The following AKAP12 variants were observed in gnomAD, a reference collection of about 807,000 sequenced individuals.
AKAP12 encodes A-kinase anchoring protein 12.
A neutral mutation model predicts 79.9 loss-of-function variants in AKAP12; 32 were observed. That is an observed-to-expected ratio of 0.40 (90% CI 0.30 to 0.54). The LOEUF (loss-of-function observed/expected upper bound fraction) is 0.54, where lower values mean the gene tolerates loss of function less well. AKAP12 is among the 20% of genes least tolerant of loss of function. The pLI is 0.48. For synonymous variants in AKAP12, 808 were observed against 857.0 expected, an observed-to-expected ratio of 0.94 and a Z score of 1.00; for missense variants, 2,074 against 2,177.0, an observed-to-expected ratio of 0.95 and a Z score of 0.94.
intron 3 of AKAP12, chr6:151,324,092 T>A (rs1777464152): frequency 1.0e-6 from 1 of 985,256 alleles, no homozygotes; most frequent in Non-Finnish European, 1.2e-6. Context: ...AGAAGGATGG[T>A]CAGTACCAGC....
At position 151,351,298 on chromosome 6, in the gene AKAP12, G is replaced by T. The variant is rs761029034; in HGVS notation, c.2907G>T (p.Ala969=). The change falls in exon 4 of 5, where the codon GCG becomes GCT. Residue 969 remains alanine (A), a synonymous_variant. Transcript: ENST00000402676. The surrounding 1 kb of genome is among the most constrained non-coding windows in gnomAD (Gnocchi z 4.4). ...GGGGCGACACGGTCGTTAGTGAGGC[G>T]GAATTGACCCCCGAAGCTGTGACAG... ...EARGDTVVSE[A]ELTPEAVTAA... The T allele has an allele frequency of 7.4e-6, 12 of 1,614,076 alleles. No individual in the cohort carries two copies. Among genetic ancestry groups the T allele is most frequent in the Middle Eastern group, 1.6e-4 (1 of 6,084 alleles).
intron 3 of AKAP12, among the ~76,000 whole-genome samples, chr6:151,331,879 C>T (rs1419270901): frequency 9.0e-5 from 10 of 111,726 alleles, no homozygotes; most frequent in African/African-American, 1.9e-4. Flanking sequence ...AGCGAGACTC[C>T]GTCTCAAAAA....
Position 151,350,682 on chromosome 6 carries a change from G to A in AKAP12, c.2291G>A (p.Arg764Lys), listed in dbSNP as rs757059122. The change falls in exon 4 of 5, where the codon AGG (arginine) becomes AAG (lysine). Residue 764 changes from arginine (R) to lysine (K), a missense_variant. Physicochemically the swap from Arg to Lys is conservative, Grantham distance 26. This residue lies in a region of AKAP12 where 1,428 missense variants were observed against 1,451.0 expected (regional missense o/e 0.98). Transcript: ENST00000402676. The surrounding 1 kb of genome is among the most constrained non-coding windows in gnomAD (Gnocchi z 4.8). ...EGVSTWESFK[R>K]LVTPRKKSKS... The stretch of plus-strand genomic sequence containing the variant: ...GTTTCCACCTGGGAGTCATTTAAAA[G>A]GTTAGTCACGCCAAGAAAAAAATCA... 3 of 1,613,806 alleles carry A rather than the reference G, an allele frequency of 1.9e-6. No homozygotes were observed. Among genetic ancestry groups the A allele is most frequent in the Non-Finnish European group, 2.5e-6 (3 of 1,179,956 alleles).
intron 2 of AKAP12, among the ~76,000 whole-genome samples, chr6:151,286,513 C>G (rs1007461467): frequency 6.6e-6 from 1 of 152,176 alleles, no homozygotes; most frequent in Non-Finnish European, 1.5e-5. Context: ...AAACAGAAAA[C>G]AAAACAAAGA....
chr6:151,256,895 TGCCTCG>T (rs1438308380), intron 2 of AKAP12, among the ~76,000 whole-genome samples: 1 of 150,860 alleles, frequency 6.6e-6, no homozygotes, highest in East Asian at 1.9e-4. Flanking sequence ...GTGATCTGCC[TGCCTCG>T]GCCTCCCAAC....
chr6:151,348,605 C>A, intron 3 of AKAP12, 106 bp from the exon 4 acceptor site: 1 of 850,522 alleles, frequency 1.2e-6, no homozygotes, highest in Non-Finnish European at 1.8e-6. Context: ...CACCACTGCC[C>A]TCCAGCCGGG....
rs761472870 is a variant in AKAP12 at position 151,353,714 on chromosome 6, G to A, written c.5323G>A (p.Ala1775Thr). Residue 1775 changes from alanine (A) to threonine (T), a missense_variant, in exon 4 of 5, where the codon GCA (alanine) becomes ACA (threonine). This residue lies in a region of AKAP12 where 614 missense variants were observed against 665.6 expected (regional missense o/e 0.92). Transcript: ENST00000402676. ...GTTACAGAAACAAGAGAGAGAATCT[G>A]CAAAGTCAGAACTTACAGAATCTTA... ...EELQKQERES[A>T]KSELTES 1.3e-6 allele frequency: 2 copies of A among 1,599,124 alleles called. No homozygotes were observed. Among genetic ancestry groups the A allele is most frequent in the Admixed American group, 1.8e-5 (1 of 56,198 alleles).
rs1056530751 is a variant in AKAP12, at chr6:151,353,419, A to G, written c.5028A>G (p.Pro1676=). The G allele has an allele frequency of 1.2e-6, 2 of 1,614,244 alleles. No homozygotes were observed. Among genetic ancestry groups the G allele is most frequent in the South Asian group, 2.2e-5 (2 of 91,084 alleles). The change falls in exon 4 of 5, where the codon CCA becomes CCG. Residue 1676 remains proline, a synonymous_variant. Coordinates refer to ENST00000402676, the MANE Select transcript of AKAP12 (RefSeq NM_005100.4). ...EGGGAGTKSV[P]EDDGHALLAE... is the part of the protein sequence containing the mutation. ...GTGGAGCTGGAACAAAGTCTGTGCC[A>G]GAAGATGATGGTCATGCCTTGTTAG...
intron 3 of AKAP12, among the ~76,000 whole-genome samples, chr6:151,347,987 C>T (rs575670533): frequency 3.3e-5 from 5 of 150,872 alleles, no homozygotes; most frequent in East Asian, 2.0e-4. Flanking sequence ...CTGGCTAACA[C>T]GGTGAAACCC....
At chr6:151,331,917 A>ACT (rs1371647377) in intron 3 of AKAP12, among the ~76,000 whole-genome samples, 4 of 150,290 alleles carry the variant, frequency 2.7e-5, no homozygotes, top group Admixed American at 2.7e-4. Flanking sequence ...GTTTTGGAGT[A>ACT]CTAGTAGCAC....
At chr6:151,319,181 A>G (rs1467512834) in intron 3 of AKAP12, among the ~76,000 whole-genome samples, 1 of 152,192 alleles carries the variant, frequency 6.6e-6, no homozygotes, top group African/African-American at 2.4e-5. Flanking sequence ...TTGTATCATA[A>G]CAATTCCTTT....
At position 151,350,122 on chromosome 6, in the gene AKAP12, G is replaced by A. The variant is rs774212676; in HGVS notation, c.1731G>A (p.Thr577=). The change falls in exon 4 of 5, where the codon ACG becomes ACA. Residue 577 remains threonine (T), a synonymous_variant. Coordinates refer to ENST00000402676, the MANE Select transcript of AKAP12 (RefSeq NM_005100.4). This position sits in a 1 kb window ranked among gnomAD's most constrained non-coding sequence, Gnocchi z 4.8. ...ASSPEEPEEI[T]CLEKGLAEVQ... ...CCCCTGAGGAGCCCGAGGAGATCAC[G>A]TGTCTGGAAAAGGGCTTAGCCGAGG... 8.1e-6 allele frequency: 13 copies of A among 1,614,072 alleles called. No individual in the cohort carries two copies. The highest frequency in any genetic ancestry group is 1.6e-4 in the Middle Eastern group (1 of 6,062).
Position 151,350,300 on chromosome 6 carries a change from A to G in AKAP12, c.1909A>G (p.Lys637Glu), listed in dbSNP as rs374551030. The G allele has an allele frequency of 2.5e-6, 4 of 1,613,932 alleles. No individual in the cohort carries two copies. The African/African-American group carries it at 4.0e-5, about 16-fold the overall frequency. The change falls in exon 4 of 5, where the codon AAG becomes GAG. Residue 637 changes from lysine to glutamate, a missense_variant. This residue lies in a region of AKAP12 where 1,428 missense variants were observed against 1,451.0 expected (regional missense o/e 0.98). Coordinates refer to ENST00000402676, the MANE Select transcript of AKAP12 (RefSeq NM_005100.4). The surrounding 1 kb of genome is among the most constrained non-coding windows in gnomAD (Gnocchi z 4.8). ...SESDKEDELD[K>E]VKSATLSSTE... is the part of the protein sequence containing the mutation. Reference sequence around the variant, plus strand: ...AAGTGATAAAGAAGATGAGCTGGACAAGGTCAAGAGCGCTACCTTGTCTTC... The same window carrying G: ...AAGTGATAAAGAAGATGAGCTGGACGAGGTCAAGAGCGCTACCTTGTCTTC...
intron 3 of AKAP12, chr6:151,324,560 C>T: frequency 1.0e-6 from 1 of 985,406 alleles, no homozygotes; most frequent in East Asian, 1.1e-4. Context: ...TCCCTCCTCC[C>T]TGCCCCAAGC....
chr6:151,352,607 G>A lies in AKAP12; in HGVS notation c.4216G>A (p.Val1406Ile). ...TCCCTGCCTAGGTCAAGAGGAGGCA[G>A]TATGCACCAAAATTCAAGTTCAGAG... Reference protein sequence around the residue: ...PPPCLGQEEAVCTKIQVQSSE... With the variant: ...PPPCLGQEEAICTKIQVQSSE... The change falls in exon 4 of 5, where the codon GTA (valine) becomes ATA (isoleucine). Residue 1406 changes from valine to isoleucine, a missense_variant. Transcript: ENST00000402676. 2.5e-6 allele frequency: 4 copies of A among 1,614,200 alleles called. No homozygotes were observed. The highest frequency in any genetic ancestry group is 3.4e-6 in the Non-Finnish European group (4 of 1,180,044).
At chr6:151,272,155 C>T (rs913084149) in intron 2 of AKAP12, among the ~76,000 whole-genome samples, 5 of 151,994 alleles carry the variant, frequency 3.3e-5, no homozygotes, top group East Asian at 1.9e-4. Flanking sequence ...GCCTGGGCAA[C>T]GTAATGAGAC....
rs905330566 is a variant in AKAP12, at chr6:151,303,576, G to A, written c.163-2171G>A. Among the ~76,000 whole-genome samples, 6 of 152,310 alleles carry A rather than the reference G, an allele frequency of 3.9e-5. No homozygotes were observed. In the East Asian group the frequency reaches 7.7e-4, roughly 20 times the overall value. On this transcript the variant is annotated intron_variant, in intron 2 of 4. Coordinates refer to ENST00000402676, the MANE Select transcript of AKAP12 (RefSeq NM_005100.4). ...GTCTTGAACCCACTGTCCCTTCAGC[G>A]TTCAGGGTCTAAGTCAGTGGTGAGT...
chr6:151,320,566 G>A (rs530858384), intron 3 of AKAP12, among the ~76,000 whole-genome samples: 2 of 152,086 alleles, frequency 1.3e-5, no homozygotes, highest in East Asian at 1.9e-4. Flanking sequence ...TCTTCCTCAG[G>A]GTTCCAGGCC....
rs201823889 is a variant in AKAP12, at chr6:151,349,387, A to G, written c.996A>G (p.Pro332=). Residue 332 remains proline (P), a synonymous_variant, in exon 4 of 5, where the codon CCA becomes CCG. Transcript: ENST00000402676. ...EASEKKKEQE[P]EKVDTEEDGK... ...CAGAGAAGAAAAAGGAACAAGAGCC[A>G]GAAAAAGTAGACACAGAAGAAGACG... The G allele has an allele frequency of 2.8e-5, 45 of 1,613,956 alleles. No homozygotes were observed. The Middle Eastern group carries it at 5.0e-4, about 18-fold the overall frequency.
Sources: allele counts gnomAD v4.1 joint callset (sites outside exome capture counted in the v4.1 genomes callset), GRCh38; gene constraint gnomAD v4.1.1; regional missense constraint gnomAD v4.1.1; non-coding constraint Gnocchi (gnomAD v3.1); transcripts MANE v1.5; gene names NCBI Gene and HGNC (gene_info 2026-07-23, HGNC 2026-07-21).